Variants in FBN2 observed in about 807,000 individuals in gnomAD.
The protein encoded by FBN2 is fibrillin 2.
In FBN2, 105 loss-of-function variants were observed where a neutral mutation model predicts 355.6. The ratio of observed to expected loss-of-function variants is 0.30; its 90% CI spans 0.25 to 0.35. The LOEUF (loss-of-function observed/expected upper bound fraction) is 0.35, where lower values mean the gene tolerates loss of function less well. FBN2 is among the 10% of genes least tolerant of loss of function. The probability of loss-of-function intolerance (pLI) is 1.00; values close to 1 mark genes in which losing one functional copy is unlikely to be tolerated. For synonymous variants in FBN2, 1,350 were observed against 1,301.2 expected, an observed-to-expected ratio of 1.04 and a Z score of -0.81; for missense variants, 3,280 against 3,758.7, an observed-to-expected ratio of 0.87 and a Z score of 3.33.
In FBN2 at chr5:128,487,073, TA is replaced by T. The variant is rs537211225; in HGVS notation, c.629-22153del. ...GAAAAATGTACGTATCTGCCCCCTT[TA>T]AAATTAGGTATGGCCACAACATGTG... is the stretch of plus-strand genomic sequence containing the variant. On this transcript the variant is annotated intron_variant, in intron 5 of 64. Transcript: ENST00000262464. Among the ~76,000 whole-genome samples the T allele has an allele frequency of 2.0e-5, 3 of 152,268 alleles. No homozygotes were observed. In the East Asian group the frequency reaches 5.8e-4, roughly 29 times the overall value.
chr5:128,340,771 G>A (rs1750992674), intron 25 of FBN2, among the ~76,000 whole-genome samples: 1 of 152,038 alleles, frequency 6.6e-6, no homozygotes, highest in Non-Finnish European at 1.5e-5. Flanking sequence ...TAAGTGCTGA[G>A]AACAGTGCCT....
intron 2 of FBN2, among the ~76,000 whole-genome samples, chr5:128,531,718 GT>G (rs1756712170): frequency 2.7e-5 from 2 of 74,218 alleles, no homozygotes; most frequent in Non-Finnish European, 5.1e-5. Flanking sequence ...ATATATGTAT[GT>G]GTGTATATAT....
At chr5:128,534,985 A>G (rs13164673) in intron 2 of FBN2, among the ~76,000 whole-genome samples, 1 of 152,178 alleles carries the variant, frequency 6.6e-6, no homozygotes, top group African/African-American at 2.4e-5. Context: ...AGTCTAAAAA[A>G]CCGTGTAAGT....
Position 128,393,371 on chromosome 5 carries a change from A to C in FBN2, c.1232-3T>G. ...CATGCAAAGTCTGCGATATTCCTCT[A>C]GAAGAAAAGAAAGTTGGCATTAAGC... On this transcript the variant is annotated splice_polypyrimidine_tract_variant and splice_region_variant and intron_variant, in intron 9 of 64. Coordinates refer to ENST00000262464, the MANE Select transcript of FBN2 (RefSeq NM_001999.4). 6.2e-7 allele frequency: 1 copy of C among 1,613,320 alleles called. No homozygotes were observed. Among genetic ancestry groups the C allele is most frequent in the Non-Finnish European group, 8.5e-7 (1 of 1,179,312 alleles).
chr5:128,442,732 C>T (rs767040319), intron 7 of FBN2, among the ~76,000 whole-genome samples: 2 of 151,940 alleles, frequency 1.3e-5, no homozygotes, highest in African/African-American at 4.8e-5. Flanking sequence ...ACTGGTTCTC[C>T]TTAAAACAGA....
chr5:128,402,364 T>C lies in FBN2; in HGVS notation c.1078+6310A>G, dbSNP rs553901155. Among the ~76,000 whole-genome samples the C allele has an allele frequency of 1.1e-3, 170 of 152,252 alleles. 1 individual carries two copies. The highest frequency in any genetic ancestry group is 3.9e-3 in the African/African-American group (161 of 41,546). ...AAAACAAGTCTATTCCTCTAATCATTTTCTATCGCCCTTACTACATTTCCT... is the reference window on the plus strand; with the variant it reads ...AAAACAAGTCTATTCCTCTAATCATCTTCTATCGCCCTTACTACATTTCCT... On this transcript the variant is annotated intron_variant, in intron 8 of 64. Transcript: ENST00000262464.
At chr5:128,443,578 A>G (rs1440201090) in intron 7 of FBN2, among the ~76,000 whole-genome samples, 1 of 152,204 alleles carries the variant, frequency 6.6e-6, no homozygotes, top group Admixed American at 6.5e-5. Context: ...AACGATTAAT[A>G]AGCTAATTGC....
chr5:128,349,211 TG>T, intron 23 of FBN2, 135 bp downstream of exon 23: 1 of 991,996 alleles, frequency 1.0e-6, no homozygotes, highest in East Asian at 2.5e-5. Flanking sequence ...CAGCCTCTAG[TG>T]ATTTCCCCCT....
At chr5:128,281,446 G>C (rs565444065) in intron 55 of FBN2, among the ~76,000 whole-genome samples, 1 of 152,136 alleles carries the variant, frequency 6.6e-6, no homozygotes, top group Non-Finnish European at 1.5e-5. Context: ...TATCTGTTTT[G>C]AAAGCTCTCG....
At chr5:128,354,375 C>G (rs1751446374) in intron 20 of FBN2, among the ~76,000 whole-genome samples, 1 of 152,150 alleles carries the variant, frequency 6.6e-6, no homozygotes. Flanking sequence ...GGAGCAAGAT[C>G]ATGAGGGGAG....
chr5:128,432,885 C>A (rs1015647408), intron 7 of FBN2, among the ~76,000 whole-genome samples: 9 of 151,086 alleles, frequency 6.0e-5, no homozygotes, highest in South Asian at 2.1e-4. Flanking sequence ...AGGAAACTTA[C>A]AATCATGGCA....
At chr5:128,447,039 A>C (rs957668374) in intron 6 of FBN2, among the ~76,000 whole-genome samples, 2 of 152,212 alleles carry the variant, frequency 1.3e-5, no homozygotes, top group African/African-American at 4.8e-5. Flanking sequence ...TCACTTCCCC[A>C]ATCAATATTC....
intron 62 of FBN2, among the ~76,000 whole-genome samples, chr5:128,268,747 TC>T (rs1765184246): frequency 3.3e-5 from 5 of 152,050 alleles, no homozygotes; most frequent in African/African-American, 1.2e-4. Flanking sequence ...ACACAATCCA[TC>T]AAATAAGCAG....
chr5:128,524,264 T>C (rs1756509133), intron 4 of FBN2, among the ~76,000 whole-genome samples: 1 of 152,148 alleles, frequency 6.6e-6, no homozygotes, highest in Non-Finnish European at 1.5e-5. Context: ...GATCTGTGTT[T>C]CAATGTCACC....
intron 3 of FBN2, among the ~76,000 whole-genome samples, chr5:128,529,702 G>A (rs1239991539): frequency 6.6e-6 from 1 of 152,206 alleles, no homozygotes; most frequent in Admixed American, 6.5e-5. Flanking sequence ...ACAGTATCTT[G>A]TAGGTAATCA....
intron 25 of FBN2, among the ~76,000 whole-genome samples, chr5:128,340,894 A>C (rs1750999752): frequency 1.3e-5 from 2 of 151,370 alleles, no homozygotes; most frequent in African/African-American, 4.9e-5. Flanking sequence ...GTGGCTTTTG[A>C]ATTGGTTCTT....
At position 128,537,801 on chromosome 5, in the gene FBN2, G is replaced by A. The variant is rs897451899; in HGVS notation, c.-198C>T. Reference sequence around the variant, plus strand: ...CTGACTGCCCGCGAAGCGAGACGCGGGGCGCCGGGTCTAGCGCAGTGAGCG... The same window carrying A: ...CTGACTGCCCGCGAAGCGAGACGCGAGGCGCCGGGTCTAGCGCAGTGAGCG... On this transcript the variant is annotated 5_prime_UTR_variant, in exon 1 of 65. Transcript: ENST00000262464. The A allele has an allele frequency of 3.2e-5, 20 of 623,062 alleles. No individual in the cohort carries two copies. The highest frequency in any genetic ancestry group is 7.4e-5 in the African/African-American group (4 of 54,126). 38.6% of individuals were successfully genotyped at this position (623,062 alleles called of 1,614,324 possible). A position where few individuals can be genotyped will look rare whatever the true frequency, so the allele number is the denominator to read the frequency against.
intron 11 of FBN2, among the ~76,000 whole-genome samples, chr5:128,387,597 T>G (rs1752401772): frequency 6.6e-6 from 1 of 152,168 alleles, no homozygotes; most frequent in Admixed American, 6.5e-5. Flanking sequence ...GGGATTTTAG[T>G]GCTATAAACT....
At position 128,378,803 on chromosome 5, in the gene FBN2, A is replaced by C. The variant is rs1445490130; in HGVS notation, c.1691T>G (p.Phe564Cys). 6.2e-7 allele frequency: 1 copy of C among 1,613,250 alleles called. No homozygotes were observed. Among genetic ancestry groups the C allele is most frequent in the Non-Finnish European group, 8.5e-7 (1 of 1,179,416 alleles). ...GSYYCKCHAG[F>C]QRTPTKQACI... ...TGCTTGCTTGGTAGGAGTCCTCTGG[A>C]ATCCAGCATGACATTTACAATAATA... Residue 564 changes from phenylalanine (F) to cysteine (C), a missense_variant, in exon 12 of 65, where the codon TTC (phenylalanine) becomes TGC (cysteine). Phe to Cys is a radical substitution (Grantham distance 205, BLOSUM62 -2). Around this residue, in one of 6 missense-constraint regions of FBN2, gnomAD observed 2,284 missense variants for 2,749.5 expected, o/e 0.83. Transcript: ENST00000262464.
Sources: gnomAD v4.1 joint callset for allele counts (sites outside exome capture counted in the v4.1 genomes callset) on GRCh38, gnomAD v4.1.1 for gene constraint, gnomAD v4.1.1 regional missense constraint, MANE v1.5 for transcripts, NCBI Gene and HGNC (gene_info 2026-07-23, HGNC 2026-07-21) for gene names.